Variants in GABBR2 observed in about 807,000 individuals in gnomAD.
GABBR2 encodes G-protein coupled receptor 51.
GABBR2 carries 23 observed loss-of-function variants against 105.6 expected under a neutral mutation model. That is an observed-to-expected ratio of 0.22 (90% CI 0.16 to 0.31). The LOEUF (loss-of-function observed/expected upper bound fraction) is 0.31, where lower values mean the gene tolerates loss of function less well. Ranked by LOEUF, GABBR2 falls within the 10% of genes least tolerant of loss-of-function variation. GABBR2 has a pLI of 1.00. For synonymous variants in GABBR2, 478 were observed against 499.7 expected (o/e 0.96, Z 0.58); for missense variants, 734 against 1,245.5 (o/e 0.59, Z 6.18).
intron 13 of GABBR2, among the ~76,000 whole-genome samples, chr9:98,353,463 A>G (rs1831435063): frequency 1.3e-5 from 2 of 152,170 alleles, no homozygotes; most frequent in Admixed American, 1.3e-4. Flanking sequence ...GATGTTCTTA[A>G]TGGCATCTAG....
At chr9:98,575,768 G>T (rs1372168382) in intron 2 of GABBR2, among the ~76,000 whole-genome samples, 1 of 152,136 alleles carries the variant, frequency 6.6e-6, no homozygotes, top group Non-Finnish European at 1.5e-5. Flanking sequence ...TTGTGGTTAG[G>T]TTTGCACCAG....
chr9:98,530,411 T>C (rs2779588), intron 3 of GABBR2, among the ~76,000 whole-genome samples: 7,038 of 152,232 alleles, frequency 0.046, 247 homozygotes, highest in South Asian at 0.13. Context: ...CCGGGGTTCA[T>C]GTCTATACCT....
chr9:98,320,925 G>A (rs376675171), intron 13 of GABBR2, among the ~76,000 whole-genome samples: 29 of 151,190 alleles, frequency 1.9e-4, no homozygotes, highest in East Asian at 5.8e-4. Context: ...ACATGTATAC[G>A]CATGTAACTA....
At chr9:98,390,153 T>C (rs1171828956) in intron 9 of GABBR2, among the ~76,000 whole-genome samples, 2 of 152,036 alleles carry the variant, frequency 1.3e-5, no homozygotes, top group Non-Finnish European at 2.9e-5. Flanking sequence ...GGCGGGTGGA[T>C]CACTTGAGGT....
intron 4 of GABBR2, among the ~76,000 whole-genome samples, chr9:98,484,440 G>A (rs976071753): frequency 2.0e-5 from 3 of 152,176 alleles, no homozygotes; most frequent in Non-Finnish European, 4.4e-5. Context: ...GCCAGGTCAT[G>A]CCTGCTGCAG....
intron 13 of GABBR2, among the ~76,000 whole-genome samples, chr9:98,316,766 C>T (rs1830726191): frequency 6.6e-6 from 1 of 152,146 alleles, no homozygotes; most frequent in Non-Finnish European, 1.5e-5. Flanking sequence ...GGGTTGGGAA[C>T]TCTACACCCG....
chr9:98,292,102 C>G (rs1412776417), intron 18 of GABBR2, among the ~76,000 whole-genome samples: 2 of 152,236 alleles, frequency 1.3e-5, no homozygotes, highest in Non-Finnish European at 2.9e-5. Flanking sequence ...CTCGGCTCAG[C>G]TGCATTCTTG....
At chr9:98,566,818 A>C (rs2131768831) in intron 2 of GABBR2, among the ~76,000 whole-genome samples, 1 of 150,378 alleles carries the variant, frequency 6.6e-6, no homozygotes, top group South Asian at 2.1e-4. Context: ...AAAAAAAAAA[A>C]AAAGGCGACA....
rs545828106 is a variant in GABBR2, at chr9:98,408,311, G to A, written c.1237-2170C>T. Among the ~76,000 whole-genome samples the A allele has an allele frequency of 4.6e-5, 7 of 152,286 alleles. No individual in the cohort carries two copies. The South Asian group carries it at 6.2e-4, about 14-fold the overall frequency. The stretch of plus-strand genomic sequence containing the variant: ...CGAGACACTGTGCATTCTGCCTACC[G>A]ATGAGAGAAAGTAGAGGGCTTCTGT... On this transcript the variant is annotated intron_variant, in intron 7 of 18. Transcript: ENST00000259455.
At chr9:98,401,762 G>A (rs1192796890) in intron 8 of GABBR2, among the ~76,000 whole-genome samples, 1 of 152,216 alleles carries the variant, frequency 6.6e-6, no homozygotes, top group Non-Finnish European at 1.5e-5. Context: ...AGCCCTGAAA[G>A]TATTCTAGTA....
chr9:98,590,817 C>G (rs147401260), intron 1 of GABBR2, among the ~76,000 whole-genome samples: 39 of 152,298 alleles, frequency 2.6e-4, no homozygotes, highest in African/African-American at 8.7e-4. Context: ...TGGGTCCTTG[C>G]TCTCATGGGA....
intron 1 of GABBR2, among the ~76,000 whole-genome samples, chr9:98,686,486 TCC>T (rs1421382408): frequency 1.1e-4 from 17 of 152,224 alleles, no homozygotes; most frequent in African/African-American, 3.9e-4. Context: ...AACCTTCGCC[TCC>T]CAGTTCAAGT....
chr9:98,297,081 T>C (rs1243027142), intron 17 of GABBR2, among the ~76,000 whole-genome samples: 1 of 152,170 alleles, frequency 6.6e-6, no homozygotes, highest in Non-Finnish European at 1.5e-5. Context: ...GAGTTTAGGA[T>C]CTACCTTATT....
intron 2 of GABBR2, among the ~76,000 whole-genome samples, chr9:98,558,972 G>A (rs4743236): frequency 0.058 from 8,804 of 152,182 alleles, 317 homozygotes; most frequent in African/African-American, 0.077. Context: ...TTATTAAATT[G>A]CATGGAATTG....
At chr9:98,586,548 C>T (rs1402337683) in intron 1 of GABBR2, among the ~76,000 whole-genome samples, 1 of 152,228 alleles carries the variant, frequency 6.6e-6, no homozygotes, top group African/African-American at 2.4e-5. Flanking sequence ...GATCCACCCG[C>T]CTTGGCCTCC....
chr9:98,679,518 G>A (rs1028586765), intron 1 of GABBR2, among the ~76,000 whole-genome samples: 1 of 152,210 alleles, frequency 6.6e-6, no homozygotes, highest in Non-Finnish European at 1.5e-5. Context: ...TCTATGAAAA[G>A]GGCTGTAATG....
chr9:98,411,666 A>T (rs1220766500), intron 7 of GABBR2, among the ~76,000 whole-genome samples: 1 of 152,036 alleles, frequency 6.6e-6, no homozygotes, highest in African/African-American at 2.4e-5. Context: ...GGCTCGAGTG[A>T]TCCTTCCACC....
chr9:98,331,216 CT>C (rs1831019455), intron 13 of GABBR2, among the ~76,000 whole-genome samples: 1 of 152,102 alleles, frequency 6.6e-6, no homozygotes. Context: ...ACATTCATGT[CT>C]ATGTTTTTGA....
chr9:98,350,811 T>C (rs1342911565), intron 13 of GABBR2, among the ~76,000 whole-genome samples: 5 of 152,184 alleles, frequency 3.3e-5, no homozygotes, highest in Non-Finnish European at 5.9e-5. Context: ...CTGTCTAGAT[T>C]ATCTGTCCAA....
Sources: allele counts gnomAD v4.1 joint callset (sites outside exome capture counted in the v4.1 genomes callset), GRCh38; gene constraint gnomAD v4.1.1; transcripts MANE v1.5; gene names NCBI Gene and HGNC (gene_info 2026-07-23, HGNC 2026-07-21).